The following FAM117B variants were observed in gnomAD, a reference collection of about 807,000 sequenced individuals.
FAM117B encodes the protein family with sequence similarity 117 member B.
In FAM117B, 22 loss-of-function variants were observed where a neutral mutation model predicts 52.8. That is an observed-to-expected ratio of 0.42 (90% CI 0.30 to 0.59). The LOEUF is 0.59. Among genes scored for constraint, FAM117B ranks in the 20% least tolerant of loss-of-function variants. FAM117B has a pLI of 0.22. For synonymous variants in FAM117B, 309 were observed against 324.1 expected (o/e 0.95, Z 0.50); for missense variants, 678 against 802.6 (o/e 0.84, Z 1.88).
At position 202,768,676 on chromosome 2, in the gene FAM117B, G is replaced by A. The variant is rs1259425152; in HGVS notation, c.*2912G>A. The stretch of plus-strand genomic sequence containing the variant: ...TGAAATGTGACACTCTCAATAGAAT[G>A]CATAATGTTGGTTTCTAAAGTTACA... On this transcript the variant is annotated 3_prime_UTR_variant, in exon 8 of 8. Coordinates refer to ENST00000392238, the MANE Select transcript of FAM117B (RefSeq NM_173511.4). The A allele has an allele frequency of 6.6e-6, 1 of 152,210 alleles. No individual in the cohort carries two copies. Among genetic ancestry groups the A allele is most frequent in the African/African-American group, 2.4e-5 (1 of 41,318 alleles). 9.4% of individuals were successfully genotyped at this position (152,210 alleles called of 1,614,324 possible). A position where few individuals can be genotyped will look rare whatever the true frequency, so the allele number is the denominator to read the frequency against.
intron 1 of FAM117B, among the ~76,000 whole-genome samples, chr2:202,655,707 T>TGAGAGAGA (rs60423652): frequency 1.2e-3 from 115 of 98,826 alleles, no homozygotes; most frequent in African/African-American, 1.6e-3. Flanking sequence ...GGGAAGAGAG[T>TGAGAGAGA]GAGAGAGAGA....
chr2:202,673,178 G>A (rs374807454), intron 1 of FAM117B, among the ~76,000 whole-genome samples: 5 of 152,260 alleles, frequency 3.3e-5, no homozygotes, highest in African/African-American at 7.2e-5. Context: ...TTGCAAGTGA[G>A]TCTGTTGCAG....
chr2:202,755,548 CAA>C lies in FAM117B; in HGVS notation c.973_974del (p.Lys325GlufsTer20). 1 of 1,613,916 alleles carries C rather than the reference CAA, an allele frequency of 6.2e-7. No homozygotes were observed. The highest frequency in any genetic ancestry group is 8.5e-7 in the Non-Finnish European group (1 of 1,179,922). ...TCCCATTTTCTTAAGGCTCCTGTTCCAAAGAGTGCACTTATTCCTGTAATTCC... is the reference window on the plus strand; with the variant it reads ...TCCCATTTTCTTAAGGCTCCTGTTCCAGAGTGCACTTATTCCTGTAATTCC... On this transcript the variant is annotated frameshift_variant, in exon 5 of 8. Coordinates refer to ENST00000392238, the MANE Select transcript of FAM117B (RefSeq NM_173511.4). LOFTEE classifies it high-confidence loss of function.
chr2:202,712,649 C>A (rs1286579857), intron 2 of FAM117B, among the ~76,000 whole-genome samples: 1 of 151,938 alleles, frequency 6.6e-6, no homozygotes, highest in Non-Finnish European at 1.5e-5. Flanking sequence ...AAAGGGTTTC[C>A]ATTTTTCCCT....
At chr2:202,723,667 A>G (rs1362143564) in intron 2 of FAM117B, among the ~76,000 whole-genome samples, 2 of 152,246 alleles carry the variant, frequency 1.3e-5, no homozygotes, top group Non-Finnish European at 2.9e-5. Context: ...CCAAACCTAA[A>G]TAAATCTAAC....
intron 1 of FAM117B, among the ~76,000 whole-genome samples, chr2:202,660,986 C>A (rs2105761132): frequency 6.6e-6 from 1 of 152,322 alleles, no homozygotes; most frequent in African/African-American, 2.4e-5. Context: ...GCCCTCCTAC[C>A]TAGTCCATTG....
At chr2:202,651,559 A>G (rs1689959080) in intron 1 of FAM117B, among the ~76,000 whole-genome samples, 1 of 150,926 alleles carries the variant, frequency 6.6e-6, no homozygotes, top group Non-Finnish European at 1.5e-5. Flanking sequence ...TTTTTAGTAG[A>G]GACAGGGTTT....
intron 1 of FAM117B, among the ~76,000 whole-genome samples, chr2:202,692,234 A>G (rs1315545701): frequency 6.6e-6 from 1 of 152,208 alleles, no homozygotes; most frequent in Admixed American, 6.5e-5. Context: ...AATATTATGA[A>G]TATATCTTTA....
chr2:202,677,147 A>C (rs964628402), intron 1 of FAM117B, among the ~76,000 whole-genome samples: 2 of 150,744 alleles, frequency 1.3e-5, no homozygotes, highest in African/African-American at 4.9e-5. Context: ...GGCTCACTAC[A>C]ACCTCCGCCT....
intron 1 of FAM117B, among the ~76,000 whole-genome samples, chr2:202,643,005 G>T (rs1462924144): frequency 1.3e-5 from 2 of 152,226 alleles, no homozygotes. Flanking sequence ...AGTAGGCTGA[G>T]CCTGGAGAAT....
chr2:202,678,249 CAG>C (rs1690406941), intron 1 of FAM117B, among the ~76,000 whole-genome samples: 2 of 152,118 alleles, frequency 1.3e-5, no homozygotes, highest in Admixed American at 6.5e-5. Context: ...CTCCCTTATA[CAG>C]AGACGGAGGG....
chr2:202,731,826 A>G (rs940756520), intron 4 of FAM117B, among the ~76,000 whole-genome samples: 3 of 151,290 alleles, frequency 2.0e-5, no homozygotes, highest in Non-Finnish European at 2.9e-5. Context: ...ATCTCCGCCT[A>G]CCAGGTTCAA....
At position 202,755,722 on chromosome 2, in the gene FAM117B, T is replaced by C. The variant is rs199842442; in HGVS notation, c.1104+41T>C. 2.1e-4 allele frequency: 324 copies of C among 1,557,774 alleles called. 2 individuals carry two copies. The highest frequency in any genetic ancestry group is 1.7e-4 in the South Asian group (14 of 81,242). Reference sequence around the variant, plus strand: ...TCTTAAAATCATTCTTGAACTCTTATAATTATTAAAAATGCACAGTTTGGG... The same window carrying C: ...TCTTAAAATCATTCTTGAACTCTTACAATTATTAAAAATGCACAGTTTGGG... On this transcript the variant is annotated intron_variant, in intron 5 of 7. Coordinates refer to ENST00000392238, the MANE Select transcript of FAM117B (RefSeq NM_173511.4).
chr2:202,737,704 C>T (rs556665880), intron 4 of FAM117B, among the ~76,000 whole-genome samples: 1 of 151,994 alleles, frequency 6.6e-6, no homozygotes, highest in Admixed American at 6.6e-5. Flanking sequence ...TGGGTTCAAG[C>T]GATTTTCCCG....
chr2:202,734,938 A>G (rs1691416303), intron 4 of FAM117B, among the ~76,000 whole-genome samples: 1 of 152,242 alleles, frequency 6.6e-6, no homozygotes, highest in South Asian at 2.1e-4. Flanking sequence ...TTTTTTAATG[A>G]AATAGGAAAA....
chr2:202,645,672 C>G (rs775207544), intron 1 of FAM117B, among the ~76,000 whole-genome samples: 9 of 151,058 alleles, frequency 6.0e-5, no homozygotes, highest in Non-Finnish European at 8.8e-5. Flanking sequence ...GGAGAGATCT[C>G]GGCTCACTGC....
chr2:202,750,144 G>T (rs1691700787), intron 4 of FAM117B, among the ~76,000 whole-genome samples: 1 of 152,176 alleles, frequency 6.6e-6, no homozygotes, highest in African/African-American at 2.4e-5. Context: ...AGCTCTTCGT[G>T]TGCATGGGAA....
At chr2:202,690,918 T>C (rs946553778) in intron 1 of FAM117B, among the ~76,000 whole-genome samples, 1 of 152,136 alleles carries the variant, frequency 6.6e-6, no homozygotes, top group African/African-American at 2.4e-5. Context: ...GGAACTTGGA[T>C]TGAAATGGAA....
chr2:202,696,972 G>A (rs149028395), intron 2 of FAM117B, among the ~76,000 whole-genome samples: 20 of 152,282 alleles, frequency 1.3e-4, no homozygotes, highest in Non-Finnish European at 1.9e-4. Flanking sequence ...GGGAGGCTGA[G>A]GCAGGAGAAT....
Sources: allele counts gnomAD v4.1 joint callset (sites outside exome capture counted in the v4.1 genomes callset), GRCh38; gene constraint gnomAD v4.1.1; transcripts MANE v1.5; gene names NCBI Gene and HGNC (gene_info 2026-07-23, HGNC 2026-07-21).